SLX4IP: variants seen among roughly 807,000 people sequenced by gnomAD.
SLX4IP encodes protein SLX4IP.
In SLX4IP, 34 loss-of-function variants were observed where a neutral mutation model predicts 32.9. The observed-to-expected ratio is 1.03, with a 90% CI of 0.79 to 1.38. The LOEUF is 1.38. Ranked by LOEUF, SLX4IP falls within the 40% of genes most tolerant of loss-of-function variation. The pLI is 0.00. For synonymous variants in SLX4IP, 172 were observed against 171.7 expected (o/e 1.00, Z -0.01); for missense variants, 444 against 479.0 (o/e 0.93, Z 0.68).
intron 2 of SLX4IP, among the ~76,000 whole-genome samples, chr20:10,510,988 C>T (rs627344): frequency 0.057 from 8,605 of 152,206 alleles, 347 homozygotes; most frequent in Non-Finnish European, 0.086. Flanking sequence ...CCCTGCCAGC[C>T]AAAACCACTG....
In SLX4IP at chr20:10,556,244, C is replaced by T. The variant is rs1687018097; in HGVS notation, c.41C>T (p.Ala14Val). 1.2e-6 allele frequency: 2 copies of T among 1,613,328 alleles called. No individual in the cohort carries two copies. The highest frequency in any genetic ancestry group is 2.7e-5 in the African/African-American group (2 of 74,890). The change falls in exon 3 of 8, where the codon GCT becomes GTT. Residue 14 changes from alanine to valine, a missense_variant. Transcript: ENST00000334534. The stretch of plus-strand genomic sequence containing the variant: ...AATGTCTTTCAGTGTGGGAATTTTG[C>T]TGTCCTCGTGGATCTTCATATCTTG... The part of the protein sequence containing the change: ...KKFAVKCGNF[A>V]VLVDLHILPQ...
At chr20:10,480,619 A>G (rs1191727774) in intron 2 of SLX4IP, among the ~76,000 whole-genome samples, 1 of 152,232 alleles carries the variant, frequency 6.6e-6, no homozygotes, top group Non-Finnish European at 1.5e-5. Flanking sequence ...AAGAATTGAA[A>G]TATAAGGAAT....
chr20:10,612,547 T>C (rs997815955), intron 6 of SLX4IP, among the ~76,000 whole-genome samples: 3 of 152,210 alleles, frequency 2.0e-5, no homozygotes, highest in Non-Finnish European at 4.4e-5. Context: ...CTGGTTGGGT[T>C]ACTATTATTA....
chr20:10,554,468 C>T (rs889724715), intron 2 of SLX4IP, among the ~76,000 whole-genome samples: 1 of 152,184 alleles, frequency 6.6e-6, no homozygotes, highest in Non-Finnish European at 1.5e-5. Flanking sequence ...GAATCATTGG[C>T]TCAGTTGATA....
chr20:10,533,945 CCA>C (rs2066013993), intron 2 of SLX4IP, among the ~76,000 whole-genome samples: 1 of 151,948 alleles, frequency 6.6e-6, no homozygotes, highest in Non-Finnish European at 1.5e-5. Context: ...AAAATTTTCA[CCA>C]TTAATTTTGT....
At chr20:10,603,838 T>A (rs1447311290) in intron 6 of SLX4IP, among the ~76,000 whole-genome samples, 1 of 152,146 alleles carries the variant, frequency 6.6e-6, no homozygotes, top group Non-Finnish European at 1.5e-5. Context: ...CCAGGTCAAG[T>A]AAAGGTCCCT....
chr20:10,496,425 T>C (rs2122405490), intron 2 of SLX4IP, among the ~76,000 whole-genome samples: 1 of 152,292 alleles, frequency 6.6e-6, no homozygotes, highest in South Asian at 2.1e-4. Context: ...TTATACTCAA[T>C]GCAAGTAGCA....
chr20:10,578,703 G>A (rs770649108), intron 4 of SLX4IP, among the ~76,000 whole-genome samples: 11 of 152,164 alleles, frequency 7.2e-5, no homozygotes, highest in Admixed American at 1.3e-4. Context: ...TGCCAGCAGT[G>A]TATGAGGCTT....
chr20:10,474,810 T>A (rs774871415), intron 2 of SLX4IP, among the ~76,000 whole-genome samples: 1 of 152,240 alleles, frequency 6.6e-6, no homozygotes, highest in Non-Finnish European at 1.5e-5. Context: ...CCTGGGATGA[T>A]GCTGCCCTTT....
chr20:10,451,804 T>C (rs939980944), intron 1 of SLX4IP, among the ~76,000 whole-genome samples: 5 of 151,518 alleles, frequency 3.3e-5, no homozygotes, highest in African/African-American at 1.2e-4. Context: ...CCGTCTCTAC[T>C]AAAAATACAA....
intron 2 of SLX4IP, among the ~76,000 whole-genome samples, chr20:10,460,546 C>T (rs2065328383): frequency 1.3e-5 from 2 of 152,184 alleles, no homozygotes; most frequent in South Asian, 4.1e-4. Context: ...CGTGCCTGTT[C>T]TGCATGGCTT....
intron 2 of SLX4IP, among the ~76,000 whole-genome samples, chr20:10,531,522 G>T (rs1261073165): frequency 6.6e-6 from 1 of 152,112 alleles, no homozygotes; most frequent in Non-Finnish European, 1.5e-5. Context: ...TTTCCCATGT[G>T]CCAGGAATGG....
At chr20:10,528,927 A>G (rs189013840) in intron 2 of SLX4IP, among the ~76,000 whole-genome samples, 21 of 152,358 alleles carry the variant, frequency 1.4e-4, no homozygotes, top group Admixed American at 1.4e-3. Context: ...CTCAAAGTTG[A>G]TATTCCCTGA....
At chr20:10,558,282 G>A (rs1160800472) in intron 3 of SLX4IP, among the ~76,000 whole-genome samples, 1 of 148,216 alleles carries the variant, frequency 6.7e-6, no homozygotes, top group East Asian at 2.0e-4. Context: ...TAAGGCTGCA[G>A]TGAGAGTTGT....
intron 2 of SLX4IP, among the ~76,000 whole-genome samples, chr20:10,487,976 A>G (rs2065589205): frequency 6.6e-6 from 1 of 152,152 alleles, no homozygotes; most frequent in Non-Finnish European, 1.5e-5. Flanking sequence ...TGTGGGCGGA[A>G]GTCATTTCTG....
At chr20:10,455,841 C>T (rs1465202676) in intron 1 of SLX4IP, among the ~76,000 whole-genome samples, 1 of 152,058 alleles carries the variant, frequency 6.6e-6, no homozygotes, top group African/African-American at 2.4e-5. Flanking sequence ...GAACTCCTGG[C>T]CTCAAGTGAT....
At chr20:10,582,906 C>CT (rs2066601330) in intron 4 of SLX4IP, among the ~76,000 whole-genome samples, 2 of 151,886 alleles carry the variant, frequency 1.3e-5, no homozygotes, top group South Asian at 4.2e-4. Context: ...GGAAGAGGGT[C>CT]TATATTAATA....
chr20:10,439,267 G>A (rs555532299), intron 1 of SLX4IP, among the ~76,000 whole-genome samples: 1 of 152,120 alleles, frequency 6.6e-6, no homozygotes, highest in East Asian at 1.9e-4. Flanking sequence ...GGAGTGCAGT[G>A]GTATGATCTC....
intron 2 of SLX4IP, among the ~76,000 whole-genome samples, chr20:10,493,154 A>G (rs982647448): frequency 2.0e-5 from 3 of 152,040 alleles, no homozygotes; most frequent in African/African-American, 7.2e-5. Context: ...TTCTTTTTCA[A>G]CATTGCCTTG....
Sources: gnomAD v4.1 joint callset for allele counts (sites outside exome capture counted in the v4.1 genomes callset) on GRCh38, gnomAD v4.1.1 for gene constraint, MANE v1.5 for transcripts, NCBI Gene and HGNC (gene_info 2026-07-23, HGNC 2026-07-21) for gene names.